The following EFNA4 variants were observed in gnomAD, a reference collection of about 807,000 sequenced individuals.
EFNA4 encodes ephrin-A4.
A neutral mutation model predicts 23.7 loss-of-function variants in EFNA4; 22 were observed. The ratio of observed to expected loss-of-function variants is 0.93; its 90% confidence interval spans 0.66 to 1.32. EFNA4 has a LOEUF of 1.32. Ranked by LOEUF, EFNA4 falls within the 40% of genes most tolerant of loss-of-function variation. EFNA4 has a pLI of 0.00. For synonymous variants in EFNA4, 113 were observed against 108.3 expected, an observed-to-expected ratio of 1.04 and a Z score of -0.27; for missense variants, 252 against 252.3, an observed-to-expected ratio of 1.00 and a Z score of 0.01.
At position 155,063,943 on chromosome 1, in the gene EFNA4, G is replaced by C. The variant is rs764671956; in HGVS notation, c.113+7G>C. 1.3e-6 allele frequency: 2 copies of C among 1,538,314 alleles called. No individual in the cohort carries two copies. Among genetic ancestry groups the C allele is most frequent in the Non-Finnish European group, 8.7e-7 (1 of 1,143,564 alleles). ...GGAACTCCAGTAACCCCAGGTAGCC[G>C]GGCCGAACCGGGCGAGCGCACAGCC... On this transcript the variant is annotated splice_region_variant and intron_variant, in intron 1 of 3. Transcript: ENST00000368409. The surrounding 1 kb of genome is among the most constrained non-coding windows in gnomAD (Gnocchi z 4.1).
Position 155,069,185 on chromosome 1 carries a change from A to C in EFNA4, c.*196A>C. The C allele has an allele frequency of 1.2e-6, 2 of 1,600,428 alleles. No homozygotes were observed. The highest frequency in any genetic ancestry group is 1.7e-6 in the Non-Finnish European group (2 of 1,176,202). ...TCATCACAGGCTAAAGAAGAGCAGT[A>C]GACAGCCCTGGACACTCTGAAGCAG... On this transcript the variant is annotated 3_prime_UTR_variant, in exon 4 of 4. Transcript: ENST00000368409.
Position 155,064,080 on chromosome 1 carries a change from G to GGAGGGGC in EFNA4, c.113+156_113+162dup, listed in dbSNP as rs546732929. The GGAGGGGC allele has an allele frequency of 7.7e-3, 4,827 of 626,650 alleles. 62 individuals carry two copies. Among genetic ancestry groups the GGAGGGGC allele is most frequent in the South Asian group, 0.014 (584 of 42,512 alleles). The allele number at this position is 626,650 out of a possible 1,614,324, so 38.8% of individuals were successfully genotyped here. A position where few individuals can be genotyped will look rare whatever the true frequency, so the allele number is the denominator to read the frequency against. ...TTTGTTTGAGCCGGCGGGGGAGGGG[G>GGAGGGGC]GAGGGGCGAGGGGCGAGGCGCGCCC... On this transcript the variant is annotated intron_variant, in intron 1 of 3. Coordinates refer to ENST00000368409, the MANE Select transcript of EFNA4 (RefSeq NM_005227.3).
At chr1:155,064,725 C>T (rs746573506) in intron 1 of EFNA4, among the ~76,000 whole-genome samples, 2 of 152,184 alleles carry the variant, frequency 1.3e-5, no homozygotes, top group African/African-American at 2.4e-5. Flanking sequence ...GTTTTTCTTT[C>T]TGATTTTCTA....
At chr1:155,068,787 G>T in intron 3 of EFNA4, 66 bp from the exon 4 acceptor site, 1 of 1,506,186 alleles carries the variant, frequency 6.6e-7, no homozygotes, top group Admixed American at 2.1e-5. Flanking sequence ...AACTGCTAAT[G>T]GGAAGGGGAG....
rs908106668 is a variant in EFNA4 at position 155,067,406 on chromosome 1, G to A, written c.435G>A (p.Leu145=). ...VPTPESSGQC[L]RLQVSVCCKE... ...CTCCAGAGAGTTCTGGCCAGTGCTT[G>A]AGGCTCCAGGTGTCTGTCTGCTGCA... Residue 145 remains leucine (L), a synonymous_variant, in exon 3 of 4, where the codon TTG becomes TTA. Coordinates refer to ENST00000368409, the MANE Select transcript of EFNA4 (RefSeq NM_005227.3). The A allele has an allele frequency of 1.2e-6, 2 of 1,614,206 alleles. No homozygotes were observed. Among genetic ancestry groups the A allele is most frequent in the Non-Finnish European group, 1.7e-6 (2 of 1,180,032 alleles).
At chr1:155,064,069 CG>C (rs1229674712) in intron 1 of EFNA4, 133 bp downstream of exon 1, 4 of 212,310 alleles carry the variant, frequency 1.9e-5, no homozygotes, top group South Asian at 1.2e-4. Flanking sequence ...TTTGAGCCGG[CG>C]GGGGAGGGGG....
chr1:155,067,335 C>T, intron 2 of EFNA4, 37 bp from the exon 3 acceptor site: 1 of 1,612,210 alleles, frequency 6.2e-7, no homozygotes, highest in Non-Finnish European at 8.5e-7. Context: ...AGGGGTGACT[C>T]CCTGTGCTAA....
intron 1 of EFNA4, among the ~76,000 whole-genome samples, chr1:155,064,458 C>T (rs1236421622): frequency 6.6e-6 from 1 of 152,240 alleles, no homozygotes; most frequent in Admixed American, 6.5e-5. Flanking sequence ...CCCTGCCCTT[C>T]TAGCCGAATC....
At position 155,067,118 on chromosome 1, in the gene EFNA4, A is replaced by C. The variant is rs766449592; in HGVS notation, c.400+102A>C. 11 of 1,404,398 alleles carry C rather than the reference A, an allele frequency of 7.8e-6. No homozygotes were observed. In the East Asian group the frequency reaches 2.5e-4, roughly 32 times the overall value. 87.0% of individuals were successfully genotyped at this position (1,404,398 alleles called of 1,614,324 possible). On this transcript the variant is annotated intron_variant, in intron 2 of 3. Coordinates refer to ENST00000368409, the MANE Select transcript of EFNA4 (RefSeq NM_005227.3). ...GGAGGGGGCTGGGTCTCTAATGTAC[A>C]TCGGGTTGAGGTATGGGCTGAACTC...
chr1:155,063,791 T>TGCCAG lies in EFNA4; in HGVS notation c.-27_-23dup, dbSNP rs1253948957. 3 of 1,496,434 alleles carry TGCCAG rather than the reference T, an allele frequency of 2.0e-6. No individual in the cohort carries two copies. Among genetic ancestry groups the TGCCAG allele is most frequent in the Non-Finnish European group, 2.7e-6 (3 of 1,122,628 alleles). The allele number at this position is 1,496,434 out of a possible 1,614,324, so 92.7% of individuals were successfully genotyped here. ...CTCGACTGTGAAGCGGGCCGGGACC[T>TGCCAG]GCCAGGCCAGACCAAACCGGACCTC... is the stretch of plus-strand genomic sequence containing the variant. On this transcript the variant is annotated 5_prime_UTR_variant, in exon 1 of 4. Transcript: ENST00000368409. The surrounding 1 kb of genome is among the most constrained non-coding windows in gnomAD (Gnocchi z 4.1).
intron 1 of EFNA4, among the ~76,000 whole-genome samples, chr1:155,065,904 CT>C (rs1378448364): frequency 1.3e-5 from 2 of 151,780 alleles, no homozygotes; most frequent in Non-Finnish European, 2.9e-5. Context: ...GGCTAGTTTT[CT>C]TTTTATATTC....
At position 155,063,758 on chromosome 1, in the gene EFNA4, T is replaced by C; in HGVS notation, c.-66T>C. ...GCAACTTCCCTCTTCACTTTGTACC[T>C]TTCTCTCCTCGACTGTGAAGCGGGC... On this transcript the variant is annotated 5_prime_UTR_variant, in exon 1 of 4. Coordinates refer to ENST00000368409, the MANE Select transcript of EFNA4 (RefSeq NM_005227.3). The surrounding 1 kb of genome is among the most constrained non-coding windows in gnomAD (Gnocchi z 4.1). 7.2e-7 allele frequency: 1 copy of C among 1,382,314 alleles called. No homozygotes were observed. 85.6% of individuals were successfully genotyped at this position (1,382,314 alleles called of 1,614,324 possible). A position where few individuals can be genotyped will look rare whatever the true frequency, so the allele number is the denominator to read the frequency against.
chr1:155,067,404 T>A lies in EFNA4; in HGVS notation c.433T>A (p.Leu145Met), dbSNP rs141223577. ...VPTPESSGQC[L>M]RLQVSVCCKE... Reference sequence around the variant, plus strand: ...CACTCCAGAGAGTTCTGGCCAGTGCTTGAGGCTCCAGGTGTCTGTCTGCTG... The same window carrying A: ...CACTCCAGAGAGTTCTGGCCAGTGCATGAGGCTCCAGGTGTCTGTCTGCTG... Residue 145 changes from leucine to methionine, a missense_variant, in exon 3 of 4, where the codon TTG becomes ATG. Coordinates refer to ENST00000368409, the MANE Select transcript of EFNA4 (RefSeq NM_005227.3). The A allele has an allele frequency of 1.2e-6, 2 of 1,614,084 alleles. No homozygotes were observed. The highest frequency in any genetic ancestry group is 1.7e-6 in the Non-Finnish European group (2 of 1,180,036).
At position 155,069,245 on chromosome 1, in the gene EFNA4, C is replaced by A; in HGVS notation, c.*256C>A. 1 of 1,482,606 alleles carries A rather than the reference C, an allele frequency of 6.7e-7. No individual in the cohort carries two copies. The highest frequency in any genetic ancestry group is 2.5e-5 in the East Asian group (1 of 40,494). 91.8% of individuals were successfully genotyped at this position (1,482,606 alleles called of 1,614,324 possible). The stretch of plus-strand genomic sequence containing the variant: ...AAACACAGGCGCTTTGCAGGCTGCT[C>A]TGAGGGTCTCAGCCCATCCCCCAGG... On this transcript the variant is annotated 3_prime_UTR_variant, in exon 4 of 4. Transcript: ENST00000368409.
chr1:155,067,122 G>T, intron 2 of EFNA4, 106 bp downstream of exon 2: 2 of 1,381,606 alleles, frequency 1.4e-6, no homozygotes, highest in Non-Finnish European at 2.0e-6. Context: ...ATGTACATCG[G>T]GTTGAGGTAT....
In EFNA4 at chr1:155,063,794, C is replaced by A. The variant is rs1248187187; in HGVS notation, c.-30C>A. 6.7e-7 allele frequency: 1 copy of A among 1,501,696 alleles called. No individual in the cohort carries two copies. The highest frequency in any genetic ancestry group is 8.9e-7 in the Non-Finnish European group (1 of 1,126,636). The allele number at this position is 1,501,696 out of a possible 1,614,324, so 93.0% of individuals were successfully genotyped here. A position where few individuals can be genotyped will look rare whatever the true frequency, so the allele number is the denominator to read the frequency against. ...GACTGTGAAGCGGGCCGGGACCTGC[C>A]AGGCCAGACCAAACCGGACCTCGGG... On this transcript the variant is annotated 5_prime_UTR_variant, in exon 1 of 4. Transcript: ENST00000368409. This position sits in a 1 kb window ranked among gnomAD's most constrained non-coding sequence, Gnocchi z 4.1.
At position 155,068,873 on chromosome 1, in the gene EFNA4, G is replaced by A. The variant is rs749049587; in HGVS notation, c.490G>A (p.Val164Ile). The A allele has an allele frequency of 1.2e-6, 2 of 1,613,504 alleles. No individual in the cohort carries two copies. Among genetic ancestry groups the A allele is most frequent in the Non-Finnish European group, 1.7e-6 (2 of 1,179,744 alleles). The change falls in exon 4 of 4, where the codon GTT becomes ATT. Residue 164 changes from valine (V) to isoleucine (I), a missense_variant. Physicochemically the swap from Val to Ile is conservative, Grantham distance 29 (BLOSUM62 3). Coordinates refer to ENST00000368409, the MANE Select transcript of EFNA4 (RefSeq NM_005227.3). ...CACAGAGTCTGAGTCAGCCCATCCT[G>A]TTGGGAGCCCTGGAGAGAGTGGCAC... ...KERKSESAHP[V>I]GSPGESGTSG...
Position 155,066,888 on chromosome 1 carries a change from C to A in EFNA4, c.272C>A (p.Pro91His). ...PGYESCQAEG[P>H]RAYKRWVCSL... is the part of the protein sequence containing the mutation. ...TATGAGTCCTGCCAGGCAGAGGGCC[C>A]CCGGGCCTACAAGCGCTGGGTGTGC... Residue 91 changes from proline to histidine, a missense_variant, in exon 2 of 4, where the codon CCC becomes CAC. Coordinates refer to ENST00000368409, the MANE Select transcript of EFNA4 (RefSeq NM_005227.3). The A allele has an allele frequency of 6.2e-7, 1 of 1,614,152 alleles. No homozygotes were observed. The highest frequency in any genetic ancestry group is 2.2e-5 in the East Asian group (1 of 44,884).
At chr1:155,064,039 C>A in intron 1 of EFNA4, 103 bp downstream of exon 1, 1 of 874,166 alleles carries the variant, frequency 1.1e-6, no homozygotes, top group Non-Finnish European at 1.6e-6. Context: ...TGAGCCTGGC[C>A]GCGCGCCGGG....
Sources: allele counts gnomAD v4.1 joint callset (sites outside exome capture counted in the v4.1 genomes callset), GRCh38; gene constraint gnomAD v4.1.1; non-coding constraint Gnocchi (gnomAD v3.1); transcripts MANE v1.5; gene names NCBI Gene and HGNC (gene_info 2026-07-23, HGNC 2026-07-21).